KCNB2: variants seen among roughly 807,000 people sequenced by gnomAD.
KCNB2 encodes the protein delayed rectifier potassium channel protein.
In KCNB2, 15 loss-of-function variants were observed where a neutral mutation model predicts 61.5. The observed-to-expected ratio is 0.24, with a 90% CI of 0.16 to 0.38. The LOEUF is 0.38. Ranked by LOEUF, KCNB2 falls within the 10% of genes least tolerant of loss-of-function variation. The probability of loss-of-function intolerance (pLI) is 1.00; values close to 1 mark genes in which losing one functional copy is unlikely to be tolerated. For missense variants in KCNB2, 828 were observed against 1,125.2 expected (o/e 0.74, Z 3.78); for synonymous variants, 457 against 446.0 (o/e 1.02, Z -0.31).
At chr8:72,727,593 G>A (rs974230299) in intron 2 of KCNB2, among the ~76,000 whole-genome samples, 3 of 152,292 alleles carry the variant, frequency 2.0e-5, no homozygotes, top group East Asian at 3.9e-4. Flanking sequence ...CTTGTTTGAA[G>A]TATTGGCAAA....
chr8:72,870,491 A>G (rs1039129367), intron 2 of KCNB2, among the ~76,000 whole-genome samples: 2 of 152,222 alleles, frequency 1.3e-5, no homozygotes, highest in East Asian at 3.8e-4. Flanking sequence ...CTTGAGTTCA[A>G]TAATGCAGAA....
intron 2 of KCNB2, among the ~76,000 whole-genome samples, chr8:72,677,575 A>G (rs1806679916): frequency 6.6e-6 from 1 of 152,226 alleles, no homozygotes; most frequent in African/African-American, 2.4e-5. Context: ...GGCTTTTTTC[A>G]AAACCGCTCT....
intron 2 of KCNB2, among the ~76,000 whole-genome samples, chr8:72,927,943 C>T (rs1262248538): frequency 6.6e-6 from 1 of 152,232 alleles, no homozygotes; most frequent in East Asian, 1.9e-4. Context: ...TCCATGAATC[C>T]TTTAAGGCCT....
At chr8:72,890,913 C>A (rs1410764969) in intron 2 of KCNB2, among the ~76,000 whole-genome samples, 1 of 152,184 alleles carries the variant, frequency 6.6e-6, no homozygotes, top group Non-Finnish European at 1.5e-5. Context: ...TGGCTTATTA[C>A]ATAAATTTTA....
chr8:72,703,066 A>G (rs1807161694), intron 2 of KCNB2, among the ~76,000 whole-genome samples: 2 of 152,166 alleles, frequency 1.3e-5, no homozygotes, highest in Admixed American at 1.3e-4. Context: ...AACAATTGAG[A>G]GCTCTTATGT....
chr8:72,892,823 G>A (rs1473777631), intron 2 of KCNB2, among the ~76,000 whole-genome samples: 1 of 151,888 alleles, frequency 6.6e-6, no homozygotes, highest in Non-Finnish European at 1.5e-5. Flanking sequence ...TATAGCTCTG[G>A]ACATACAGCC....
chr8:72,625,586 A>G (rs963855808), intron 2 of KCNB2, among the ~76,000 whole-genome samples: 1 of 152,050 alleles, frequency 6.6e-6, no homozygotes, highest in African/African-American at 2.4e-5. Context: ...GTGTGTGACC[A>G]TGCCCAGGTT....
chr8:72,820,148 C>G (rs1460966492), intron 2 of KCNB2, among the ~76,000 whole-genome samples: 2 of 152,140 alleles, frequency 1.3e-5, no homozygotes, highest in African/African-American at 4.8e-5. Context: ...TGAGCAGCAC[C>G]AAGCCTGAGG....
At chr8:72,704,500 GGTGTGT>G (rs10524175) in intron 2 of KCNB2, among the ~76,000 whole-genome samples, 1,737 of 147,558 alleles carry the variant, frequency 0.012, 17 homozygotes, top group African/African-American at 0.032. Flanking sequence ...AGAGAAAGCT[GGTGTGT>G]GTGTGTGTGT....
At position 72,745,394 on chromosome 8, in the gene KCNB2, G is replaced by T. The variant is rs573216589; in HGVS notation, c.579+177081G>T. On this transcript the variant is annotated intron_variant, in intron 2 of 2. Transcript: ENST00000523207. ...CACAAATTCAGAGCCCCAGAGCCAC[G>T]CTCACTCATGACCAACTGGCCACAA... Among the ~76,000 whole-genome samples the T allele has an allele frequency of 6.6e-5, 10 of 152,148 alleles. No individual in the cohort carries two copies. In the East Asian group the frequency reaches 7.7e-4, roughly 12 times the overall value.
intron 2 of KCNB2, among the ~76,000 whole-genome samples, chr8:72,855,816 G>T (rs1810197778): frequency 6.6e-6 from 1 of 152,138 alleles, no homozygotes; most frequent in Admixed American, 6.5e-5. Flanking sequence ...TTGGGGAATG[G>T]TTCCAGGACC....
At chr8:72,897,282 T>A (rs569458725) in intron 2 of KCNB2, among the ~76,000 whole-genome samples, 5 of 137,574 alleles carry the variant, frequency 3.6e-5, no homozygotes, top group Non-Finnish European at 7.5e-5. Flanking sequence ...AATAAAAAAA[T>A]TATCTAATTT....
intron 2 of KCNB2, among the ~76,000 whole-genome samples, chr8:72,656,450 C>T (rs540331274): frequency 6.6e-6 from 1 of 151,932 alleles, no homozygotes; most frequent in African/African-American, 2.4e-5. Flanking sequence ...ACATTCGAGT[C>T]GTAAATAATA....
intron 2 of KCNB2, among the ~76,000 whole-genome samples, chr8:72,712,632 A>G (rs1033882181): frequency 6.6e-6 from 1 of 152,222 alleles, no homozygotes; most frequent in Non-Finnish European, 1.5e-5. Flanking sequence ...ACTTTGTCAT[A>G]AAGTTATTCA....
At chr8:72,619,953 T>C (rs1387465465) in intron 2 of KCNB2, among the ~76,000 whole-genome samples, 2 of 152,226 alleles carry the variant, frequency 1.3e-5, no homozygotes, top group East Asian at 1.9e-4. Context: ...TGAATTAATA[T>C]GTGCTATAAG....
At chr8:72,725,571 A>T (rs764195405) in intron 2 of KCNB2, among the ~76,000 whole-genome samples, 1 of 91,396 alleles carries the variant, frequency 1.1e-5, no homozygotes, top group Non-Finnish European at 1.9e-5. Context: ...ATATGTATAT[A>T]TATGTATATA....
intron 2 of KCNB2, among the ~76,000 whole-genome samples, chr8:72,767,341 C>G (rs997444486): frequency 1.3e-5 from 2 of 152,164 alleles, no homozygotes; most frequent in Non-Finnish European, 2.9e-5. Context: ...GTTGCACACT[C>G]ATCACCACAA....
chr8:72,658,348 G>A (rs1806324883), intron 2 of KCNB2, among the ~76,000 whole-genome samples: 1 of 152,160 alleles, frequency 6.6e-6, no homozygotes, highest in Non-Finnish European at 1.5e-5. Flanking sequence ...TTATGCTAAA[G>A]CCTAATCCAG....
At chr8:72,906,305 T>C (rs926560064) in intron 2 of KCNB2, among the ~76,000 whole-genome samples, 1 of 152,220 alleles carries the variant, frequency 6.6e-6, no homozygotes, top group African/African-American at 2.4e-5. Flanking sequence ...AAGAAGCCAA[T>C]GAATCTTTTG....
Sources: allele counts gnomAD v4.1 joint callset (sites outside exome capture counted in the v4.1 genomes callset), GRCh38; gene constraint gnomAD v4.1.1; transcripts MANE v1.5; gene names NCBI Gene and HGNC (gene_info 2026-07-23, HGNC 2026-07-21).